The following MGAT4C variants were observed in gnomAD, a reference collection of about 807,000 sequenced individuals.
MGAT4C encodes MGAT4 family member C.
Under a neutral mutation model 40.1 loss-of-function variants are expected in MGAT4C, and 19 were observed. The observed-to-expected ratio is 0.47, with a 90% confidence interval of 0.33 to 0.70. MGAT4C has a LOEUF of 0.70. Ranked by LOEUF, MGAT4C falls within the 30% of genes least tolerant of loss-of-function variation. The pLI is 0.02. For synonymous variants in MGAT4C, 181 were observed against 187.1 expected (o/e 0.97, Z 0.27); for missense variants, 491 against 563.2 (o/e 0.87, Z 1.30).
At chr12:86,743,017 ATGCATGTGTGTATGTGTATGTGTGTTT>A (rs1951093616) in intron 1 of MGAT4C, among the ~76,000 whole-genome samples, 2 of 143,656 alleles carry the variant, frequency 1.4e-5, no homozygotes, top group Non-Finnish European at 3.1e-5. Flanking sequence ...GTATGTGTGT[ATGCATGTGTGTATGTGTATGTGTGTTT>A]TGCATGTGTG....
chr12:86,667,325 A>G (rs1468678640), intron 2 of MGAT4C, among the ~76,000 whole-genome samples: 4 of 152,228 alleles, frequency 2.6e-5, no homozygotes, highest in African/African-American at 9.6e-5. Context: ...GGCAGAATTC[A>G]CACATTAGCC....
At chr12:86,654,719 AC>A in intron 2 of MGAT4C, among the ~76,000 whole-genome samples, 2 of 140,872 alleles carry the variant, frequency 1.4e-5, no homozygotes, top group Middle Eastern at 7.2e-3. Flanking sequence ...TTTTCCCTGT[AC>A]CTTTTTTTTT....
intron 1 of MGAT4C, among the ~76,000 whole-genome samples, chr12:86,743,117 T>G (rs1425788718): frequency 3.8e-5 from 1 of 26,482 alleles, no homozygotes; most frequent in Non-Finnish European, 7.9e-5. Context: ...TGTGTATGCA[T>G]GTGTGTGTGT....
chr12:86,119,049 A>C (rs1332981376), intron 1 of MGAT4C, among the ~76,000 whole-genome samples: 1 of 152,112 alleles, frequency 6.6e-6, no homozygotes, highest in African/African-American at 2.4e-5. Flanking sequence ...AATCACATTA[A>C]CAGTAGAACT....
chr12:86,176,980 G>A (rs969989561), intron 1 of MGAT4C, among the ~76,000 whole-genome samples: 1 of 151,286 alleles, frequency 6.6e-6, no homozygotes, highest in African/African-American at 2.4e-5. Context: ...AACTCAAAGA[G>A]ATAAAAGTAA....
At position 86,339,868 on chromosome 12, in the gene MGAT4C, C is replaced by G. The variant is rs544155800; in HGVS notation, c.-119-5741G>C. On this transcript the variant is annotated intron_variant, in intron 3 of 7. Transcript: ENST00000548651. ...TTTCTCTGTTTAATCTTTTCCAAAT[C>G]TTAGATTGGTAGCTCTTTCTTATGT... 5.3e-5 allele frequency among the ~76,000 whole-genome samples: 8 copies of G among 152,234 alleles called. No individual in the cohort carries two copies. In the South Asian group the frequency reaches 1.7e-3, roughly 32 times the overall value.
At chr12:86,566,876 T>G (rs1236012817) in intron 2 of MGAT4C, among the ~76,000 whole-genome samples, 1 of 151,454 alleles carries the variant, frequency 6.6e-6, no homozygotes, top group Non-Finnish European at 1.5e-5. Context: ...CACAGAATGC[T>G]TTATCCTCCA....
chr12:86,320,890 C>A (rs1203476988), intron 4 of MGAT4C, among the ~76,000 whole-genome samples: 1 of 152,060 alleles, frequency 6.6e-6, no homozygotes, highest in Non-Finnish European at 1.5e-5. Flanking sequence ...CAGCTCTAAT[C>A]GTTACCACAT....
At chr12:86,224,823 T>C (rs1951015988) in intron 1 of MGAT4C, among the ~76,000 whole-genome samples, 1 of 152,154 alleles carries the variant, frequency 6.6e-6, no homozygotes, top group African/African-American at 2.4e-5. Flanking sequence ...AATATATTCC[T>C]ACATCAAAAA....
intron 1 of MGAT4C, among the ~76,000 whole-genome samples, chr12:86,052,398 A>G (rs1892979569): frequency 6.6e-6 from 1 of 151,996 alleles, no homozygotes; most frequent in South Asian, 2.1e-4. Context: ...ATTCTACATT[A>G]ATATATATTT....
At chr12:86,390,324 C>T (rs1057197936) in intron 3 of MGAT4C, among the ~76,000 whole-genome samples, 2 of 152,044 alleles carry the variant, frequency 1.3e-5, no homozygotes, top group East Asian at 1.9e-4. Context: ...TGTTACGTAC[C>T]ATAGTTAAGA....
chr12:86,692,510 C>T (rs574755038), intron 2 of MGAT4C, among the ~76,000 whole-genome samples: 46 of 152,132 alleles, frequency 3.0e-4, no homozygotes, highest in Non-Finnish European at 5.1e-4. Context: ...TATTTCTCTC[C>T]AATTTGTTTA....
At chr12:86,468,693 G>T (rs539445411) in intron 2 of MGAT4C, among the ~76,000 whole-genome samples, 2 of 151,912 alleles carry the variant, frequency 1.3e-5, no homozygotes, top group Non-Finnish European at 2.9e-5. Flanking sequence ...CCCTTCCTCG[G>T]TTCTAACCAC....
chr12:86,088,194 C>T (rs986028984), intron 1 of MGAT4C, among the ~76,000 whole-genome samples: 1 of 151,974 alleles, frequency 6.6e-6, no homozygotes, highest in African/African-American at 2.4e-5. Context: ...AACCGGAGCC[C>T]TTCCTTATAG....
chr12:86,171,831 T>G (rs1350353080), intron 1 of MGAT4C, among the ~76,000 whole-genome samples: 1 of 152,178 alleles, frequency 6.6e-6, no homozygotes, highest in African/African-American at 2.4e-5. Context: ...GAATCCACAT[T>G]TCCAGATAGT....
At chr12:86,037,042 A>C (rs1215570316) in intron 2 of MGAT4C, among the ~76,000 whole-genome samples, 1 of 150,014 alleles carries the variant, frequency 6.7e-6, no homozygotes, top group Non-Finnish European at 1.5e-5. Context: ...CCAGGAACTT[A>C]TCCATTTCTT....
At chr12:86,411,324 A>G (rs182229618) in intron 3 of MGAT4C, among the ~76,000 whole-genome samples, 55 of 152,314 alleles carry the variant, frequency 3.6e-4, no homozygotes, top group African/African-American at 1.3e-3. Flanking sequence ...AATAATCGTG[A>G]CCAAAATGCT....
At chr12:86,497,943 T>G (rs1358427715) in intron 2 of MGAT4C, among the ~76,000 whole-genome samples, 1 of 144,852 alleles carries the variant, frequency 6.9e-6, no homozygotes, top group Non-Finnish European at 1.5e-5. Flanking sequence ...ATATTATATA[T>G]AATATATAAA....
intron 1 of MGAT4C, among the ~76,000 whole-genome samples, chr12:86,727,908 A>G (rs970836277): frequency 2.6e-5 from 4 of 152,122 alleles, no homozygotes; most frequent in Non-Finnish European, 4.4e-5. Context: ...AGAAACAAAC[A>G]AAAAACTCAC....
Sources: allele counts gnomAD v4.1 joint callset (sites outside exome capture counted in the v4.1 genomes callset), GRCh38; gene constraint gnomAD v4.1.1; transcripts MANE v1.5; gene names NCBI Gene and HGNC (gene_info 2026-07-23, HGNC 2026-07-21).